Variants in DLGAP2 observed in about 807,000 individuals in gnomAD.
DLGAP2 encodes DLG associated protein 2.
DLGAP2 carries 26 observed loss-of-function variants against 100.3 expected under a neutral mutation model. The observed-to-expected ratio is 0.26, with a 90% CI of 0.19 to 0.36. The LOEUF (loss-of-function observed/expected upper bound fraction) is 0.36, where lower values mean the gene tolerates loss of function less well. DLGAP2 is among the 10% of genes least tolerant of loss of function. The probability of loss-of-function intolerance (pLI) is 1.00; values close to 1 mark genes in which losing one functional copy is unlikely to be tolerated. For missense variants in DLGAP2, 1,858 were observed against 1,453.2 expected, an observed-to-expected ratio of 1.28 and a Z score of -4.53; for synonymous variants, 886 against 630.1, an observed-to-expected ratio of 1.41 and a Z score of -6.08.
At chr8:1,082,229 C>G (rs988912441) in intron 2 of DLGAP2, among the ~76,000 whole-genome samples, 2 of 152,152 alleles carry the variant, frequency 1.3e-5, no homozygotes, top group African/African-American at 4.8e-5. Context: ...AAACCATCCC[C>G]CAGTGTGTTG....
intron 10 of DLGAP2, among the ~76,000 whole-genome samples, chr8:1,673,868 G>A (rs976091636): frequency 2.0e-5 from 3 of 152,156 alleles, no homozygotes; most frequent in African/African-American, 7.2e-5. Context: ...TTTGGAGACA[G>A]AGGAAGGAAG....
At chr8:1,410,755 T>G (rs1450935332) in intron 3 of DLGAP2, among the ~76,000 whole-genome samples, 1 of 152,012 alleles carries the variant, frequency 6.6e-6, no homozygotes, top group Non-Finnish European at 1.5e-5. Context: ...ATTTGGAACC[T>G]GGTTTTCTTG....
At chr8:1,480,080 G>A (rs1390254561) in intron 3 of DLGAP2, among the ~76,000 whole-genome samples, 2 of 152,218 alleles carry the variant, frequency 1.3e-5, no homozygotes, top group African/African-American at 2.4e-5. Context: ...AGGGTTGGCA[G>A]TGAGTCCCAG....
At chr8:1,694,271 T>A (rs1284814242) in intron 13 of DLGAP2, among the ~76,000 whole-genome samples, 1 of 151,888 alleles carries the variant, frequency 6.6e-6, no homozygotes, top group South Asian at 2.1e-4. Flanking sequence ...GAGAGGAGTG[T>A]TGACTTGTTA....
intron 4 of DLGAP2, among the ~76,000 whole-genome samples, chr8:1,539,185 C>T (rs960466029): frequency 6.6e-6 from 1 of 152,178 alleles, no homozygotes; most frequent in African/African-American, 2.4e-5. Context: ...GGCACCTGGC[C>T]TGTCACTCAT....
At chr8:815,576 T>C (rs1258322608) in intron 1 of DLGAP2, among the ~76,000 whole-genome samples, 1 of 152,238 alleles carries the variant, frequency 6.6e-6, no homozygotes, top group Non-Finnish European at 1.5e-5. Flanking sequence ...AATTTCACTG[T>C]GTCCAGGATA....
chr8:924,646 G>C (rs774212822), intron 2 of DLGAP2, among the ~76,000 whole-genome samples: 5 of 151,598 alleles, frequency 3.3e-5, no homozygotes, highest in Non-Finnish European at 7.4e-5. Flanking sequence ...GCAATGGCGC[G>C]ATCTCTGGTC....
chr8:1,189,031 T>A (rs368588377), intron 2 of DLGAP2, among the ~76,000 whole-genome samples: 2,087 of 66,820 alleles, frequency 0.031, 43 homozygotes, highest in Non-Finnish European at 0.032. Context: ...TCGGGCCCCA[T>A]GGCGGTTCCG....
intron 2 of DLGAP2, among the ~76,000 whole-genome samples, chr8:1,060,489 G>A (rs1342662719): frequency 6.6e-6 from 1 of 152,096 alleles, no homozygotes; most frequent in Non-Finnish European, 1.5e-5. Flanking sequence ...GCTTCACACG[G>A]CCCCCTCTCT....
intron 6 of DLGAP2, among the ~76,000 whole-genome samples, chr8:1,566,680 G>A (rs1197449651): frequency 1.3e-5 from 2 of 152,210 alleles, no homozygotes; most frequent in Non-Finnish European, 2.9e-5. Flanking sequence ...CCACACATCA[G>A]ACAGGGAGCC....
chr8:1,488,738 C>A (rs780586874), intron 3 of DLGAP2, among the ~76,000 whole-genome samples: 1 of 152,178 alleles, frequency 6.6e-6, no homozygotes, highest in Non-Finnish European at 1.5e-5. Context: ...GCACGATGGG[C>A]ATGACGACGT....
chr8:958,817 G>A (rs575228598), intron 2 of DLGAP2, among the ~76,000 whole-genome samples: 1 of 152,272 alleles, frequency 6.6e-6, no homozygotes, highest in African/African-American at 2.4e-5. Context: ...TAGAATGGGA[G>A]CAGGATCTAC....
chr8:1,520,656 A>G (rs1294321061), intron 4 of DLGAP2, among the ~76,000 whole-genome samples: 1 of 152,120 alleles, frequency 6.6e-6, no homozygotes, highest in Non-Finnish European at 1.5e-5. Context: ...TGCCTTTTCC[A>G]GAATGACCCA....
chr8:825,535 G>C (rs961376402), intron 1 of DLGAP2, among the ~76,000 whole-genome samples: 1 of 152,168 alleles, frequency 6.6e-6, no homozygotes, highest in Middle Eastern at 3.2e-3. Context: ...TTAGCATGAA[G>C]TTCATCTTGT....
chr8:1,154,349 A>G (rs1033588810), intron 2 of DLGAP2, among the ~76,000 whole-genome samples: 3 of 152,132 alleles, frequency 2.0e-5, no homozygotes, highest in African/African-American at 7.2e-5. Context: ...AGGCGTGGAG[A>G]TGTGCCAGTA....
At chr8:1,496,849 G>T (rs1369728662) in intron 3 of DLGAP2, among the ~76,000 whole-genome samples, 2 of 152,234 alleles carry the variant, frequency 1.3e-5, no homozygotes, top group African/African-American at 4.8e-5. Context: ...CTGGAGGAGG[G>T]TTGGGTGTTG....
intron 1 of DLGAP2, among the ~76,000 whole-genome samples, chr8:823,807 G>A (rs1796632740): frequency 1.3e-5 from 2 of 152,164 alleles, no homozygotes; most frequent in Admixed American, 1.3e-4. Context: ...TCGGGAGCCC[G>A]GGGCAGCCAG....
At chr8:1,471,373 G>C (rs1198309747) in intron 3 of DLGAP2, among the ~76,000 whole-genome samples, 1 of 144,884 alleles carries the variant, frequency 6.9e-6, no homozygotes, top group African/African-American at 2.5e-5. Context: ...GACCCCTCCA[G>C]CCTTTCCCGC....
chr8:1,069,714 A>G (rs1803369994), intron 2 of DLGAP2, among the ~76,000 whole-genome samples: 1 of 152,152 alleles, frequency 6.6e-6, no homozygotes, highest in African/African-American at 2.4e-5. Flanking sequence ...GATAAAAGTT[A>G]TTTGTGCTCG....
Sources: gnomAD v4.1 joint callset for allele counts (sites outside exome capture counted in the v4.1 genomes callset) on GRCh38, gnomAD v4.1.1 for gene constraint, MANE v1.5 for transcripts, NCBI Gene and HGNC (gene_info 2026-07-23, HGNC 2026-07-21) for gene names.